NCALD: variants seen among roughly 807,000 people sequenced by gnomAD.
The protein encoded by NCALD is neurocalcin delta.
A neutral mutation model predicts 18.6 loss-of-function variants in NCALD; 10 were observed. That is an observed-to-expected ratio of 0.54 (90% CI 0.33 to 0.91). NCALD has a LOEUF of 0.91. NCALD is among the 40% of genes least tolerant of loss of function. NCALD has a pLI of 0.03. For missense variants in NCALD, 184 were observed against 247.6 expected, an observed-to-expected ratio of 0.74 and a Z score of 1.72; for synonymous variants, 88 against 87.4, an observed-to-expected ratio of 1.01 and a Z score of -0.04.
At chr8:101,918,049 A>AT (rs1322563814) in intron 2 of NCALD, among the ~76,000 whole-genome samples, 1 of 152,154 alleles carries the variant, frequency 6.6e-6, no homozygotes, top group African/African-American at 2.4e-5. Flanking sequence ...CTACCGGCTA[A>AT]TATCTCTGAT....
chr8:101,720,371 T>C (rs1816294974), intron 1 of NCALD, among the ~76,000 whole-genome samples: 1 of 152,218 alleles, frequency 6.6e-6, no homozygotes, highest in Non-Finnish European at 1.5e-5. Flanking sequence ...TAACTTTGCA[T>C]TTTCTTATCA....
chr8:101,722,149 GA>G (rs1816389366), intron 1 of NCALD, among the ~76,000 whole-genome samples: 2 of 152,150 alleles, frequency 1.3e-5, no homozygotes, highest in Non-Finnish European at 2.9e-5. Flanking sequence ...TCTTTAGGCA[GA>G]ATCAAGCAAA....
intron 3 of NCALD, among the ~76,000 whole-genome samples, chr8:101,894,519 G>C (rs1482283656): frequency 1.4e-5 from 2 of 143,988 alleles, no homozygotes; most frequent in East Asian, 2.0e-4. Context: ...AATCAGAGCA[G>C]AACTGAAGGA....
chr8:102,123,833 GCCCCCGGGGC>G (rs1244601529), intron 1 of NCALD: 1 of 151,806 alleles, frequency 6.6e-6, no homozygotes, highest in Non-Finnish European at 1.5e-5. Context: ...CCCGGCCCCG[GCCCCCGGGGC>G]GGGATGCTCC....
At chr8:101,953,241 C>T (rs73279256) in intron 2 of NCALD, among the ~76,000 whole-genome samples, 5,194 of 152,222 alleles carry the variant, frequency 0.034, 276 homozygotes, top group African/African-American at 0.11. Flanking sequence ...CCGCTGCTGA[C>T]GGTGGCTCCT....
At chr8:101,935,783 C>CTTT (rs35929551) in intron 2 of NCALD, among the ~76,000 whole-genome samples, 6 of 103,448 alleles carry the variant, frequency 5.8e-5, no homozygotes, top group East Asian at 3.0e-4. Context: ...TCAAGAGATT[C>CTTT]TTTTTTTTTT....
At chr8:101,908,596 A>G (rs957325595) in intron 3 of NCALD, among the ~76,000 whole-genome samples, 1 of 152,168 alleles carries the variant, frequency 6.6e-6, no homozygotes, top group African/African-American at 2.4e-5. Flanking sequence ...ACTTCATGCA[A>G]TAAAACTCCT....
At chr8:101,932,715 G>A (rs541981156) in intron 2 of NCALD, among the ~76,000 whole-genome samples, 4 of 152,268 alleles carry the variant, frequency 2.6e-5, no homozygotes, top group African/African-American at 9.6e-5. Flanking sequence ...TAAAAGGAGA[G>A]CTCATTAGAG....
chr8:101,995,806 A>G (rs1821219663), intron 2 of NCALD, among the ~76,000 whole-genome samples: 1 of 152,184 alleles, frequency 6.6e-6, no homozygotes, highest in Admixed American at 6.5e-5. Flanking sequence ...ATCTACCTAT[A>G]ACACCACAGA....
Position 101,691,050 on chromosome 8 carries a change from C to T in NCALD, c.485-1644G>A, listed in dbSNP as rs1814706437. The T allele has an allele frequency of 3.0e-6, 3 of 985,242 alleles. No individual in the cohort carries two copies. The Admixed American group carries it at 1.8e-4, about 61-fold the overall frequency. The allele number at this position is 985,242 out of a possible 1,614,324, so 61.0% of individuals were successfully genotyped here. ...GAGGCCAGAAGTTAGATTCCAAGAG[C>T]AACAGGCAAGCTAAATCTAAGGGTA... is the stretch of plus-strand genomic sequence containing the variant. On this transcript the variant is annotated intron_variant, in intron 3 of 3. Transcript: ENST00000220931.
chr8:101,829,907 T>C (rs1814097851), intron 4 of NCALD, among the ~76,000 whole-genome samples: 1 of 151,878 alleles, frequency 6.6e-6, no homozygotes, highest in Non-Finnish European at 1.5e-5. Context: ...TGTTATTATA[T>C]CTATCTTTAA....
intron 4 of NCALD, among the ~76,000 whole-genome samples, chr8:101,854,108 C>T (rs1265560404): frequency 6.6e-6 from 1 of 152,292 alleles, no homozygotes; most frequent in South Asian, 2.1e-4. Context: ...AAATGTGAAA[C>T]CTTTAGTTCT....
At chr8:101,803,935 C>T (rs1812961647) in intron 4 of NCALD, among the ~76,000 whole-genome samples, 2 of 152,260 alleles carry the variant, frequency 1.3e-5, no homozygotes, top group Admixed American at 6.5e-5. Context: ...CTGCATGCTA[C>T]AGCAAAATCC....
chr8:101,817,397 T>G (rs756886030), intron 4 of NCALD, among the ~76,000 whole-genome samples: 2 of 152,220 alleles, frequency 1.3e-5, no homozygotes, highest in South Asian at 2.1e-4. Context: ...GATTGTCATT[T>G]CATTTTCTTG....
chr8:101,834,524 C>G (rs191045892), intron 4 of NCALD, among the ~76,000 whole-genome samples: 31 of 152,360 alleles, frequency 2.0e-4, no homozygotes, highest in Admixed American at 1.8e-3. Context: ...GAAGCCCATG[C>G]TGGCCCTATT....
intron 3 of NCALD, among the ~76,000 whole-genome samples, chr8:101,888,886 A>G (rs933337445): frequency 2.0e-5 from 3 of 152,206 alleles, no homozygotes; most frequent in Admixed American, 2.0e-4. Flanking sequence ...CTGAAAGCTT[A>G]GACAGTGGGG....
chr8:101,753,449 AC>A (rs1810743115), intron 1 of NCALD, among the ~76,000 whole-genome samples: 1 of 152,340 alleles, frequency 6.6e-6, no homozygotes, highest in East Asian at 1.9e-4. Context: ...TTTCCTGTTA[AC>A]AAAAACTTGA....
intron 1 of NCALD, among the ~76,000 whole-genome samples, chr8:102,081,545 T>TAAAAAAAAAAAAAA (rs770307937): frequency 1.5e-5 from 1 of 68,704 alleles, no homozygotes; most frequent in Non-Finnish European, 2.5e-5. Flanking sequence ...CAAATAATGG[T>TAAAAAAAAAAAAAA]AAAAAAAAAA....
Position 101,759,743 on chromosome 8 carries a change from G to C in NCALD, c.-20+31119C>G, listed in dbSNP as rs568840889. Among the ~76,000 whole-genome samples the C allele has an allele frequency of 5.5e-4, 83 of 152,282 alleles. 1 individual carries two copies. Among genetic ancestry groups the C allele is most frequent in the Admixed American group, 4.8e-3 (73 of 15,292 alleles). On this transcript the variant is annotated intron_variant, in intron 1 of 3. Coordinates refer to ENST00000220931, the MANE Select transcript of NCALD (RefSeq NM_032041.3). ...CCAGACTGAATTTCCAGGAGCTACA[G>C]TCACTTCCTTTGTGCAAAAAATATA... is the stretch of plus-strand genomic sequence containing the variant.
Sources: gnomAD v4.1 joint callset for allele counts (sites outside exome capture counted in the v4.1 genomes callset) on GRCh38, gnomAD v4.1.1 for gene constraint, MANE v1.5 for transcripts, NCBI Gene and HGNC (gene_info 2026-07-23, HGNC 2026-07-21) for gene names.